The following FAAH2 variants were observed in gnomAD, a reference collection of about 807,000 sequenced individuals.
FAAH2 encodes fatty acid amide hydrolase 2.
Under a neutral mutation model 36.9 loss-of-function variants are expected in FAAH2, and 60 were observed. That is an observed-to-expected ratio of 1.63 (90% CI 1.32 to 2.02). FAAH2 has a LOEUF of 2.02. Ranked by LOEUF, FAAH2 falls within the 30% of genes most tolerant of loss-of-function variation. The pLI is 0.00. For synonymous variants in FAAH2, 214 were observed against 143.8 expected, an observed-to-expected ratio of 1.49 and a Z score of -3.49; for missense variants, 689 against 397.5, an observed-to-expected ratio of 1.73 and a Z score of -6.23.
At chrX:57,123,235 G>T in the FAAH2 span, among the ~76,000 whole-genome samples, 1 of 111,309 alleles carries the variant, frequency 9.0e-6, no homozygotes, top group African/African-American at 3.3e-5. Context: ...TCCCACCTAT[G>T]AGTGAGAACA....
Position 57,314,672 on chromosome X carries a change from A to T in FAAH2, c.412+3943A>T, listed in dbSNP as rs780346744. Among the ~76,000 whole-genome samples the T allele has an allele frequency of 6.3e-5, 7 of 111,485 alleles. No homozygotes were observed. In the South Asian group the frequency reaches 1.9e-3, roughly 29 times the overall value. ...GCATAAATCAAAAAAAGTGATTAAT[A>T]ACTCTTAGGTGAACATCAAAATTAA... On this transcript the variant is annotated intron_variant, in intron 3 of 10. Transcript: ENST00000374900.
chrX:57,151,184 G>T, the FAAH2 span, among the ~76,000 whole-genome samples: 5 of 111,998 alleles, frequency 4.5e-5, no homozygotes, highest in African/African-American at 1.6e-4. Flanking sequence ...CTGTCTGGCT[G>T]CCCTTAACAT....
intron 7 of FAAH2, among the ~76,000 whole-genome samples, chrX:57,430,995 T>C (rs2056280899): frequency 8.9e-6 from 1 of 111,835 alleles, no homozygotes; most frequent in Non-Finnish European, 1.9e-5. Flanking sequence ...CTTCATTTAG[T>C]GTAGGACACC....
intron 10 of FAAH2, among the ~76,000 whole-genome samples, chrX:57,480,759 A>G (rs1241445708): frequency 9.1e-6 from 1 of 110,408 alleles, no homozygotes; most frequent in Non-Finnish European, 1.9e-5. Flanking sequence ...TGTTTTCTGT[A>G]TTTCCTGAAT....
At chrX:57,194,678 G>A in the FAAH2 span, among the ~76,000 whole-genome samples, 3 of 109,771 alleles carry the variant, frequency 2.7e-5, no homozygotes, top group South Asian at 1.2e-3. Flanking sequence ...GATTTTGGTG[G>A]ACCCATCACC....
intron 5 of FAAH2, among the ~76,000 whole-genome samples, chrX:57,358,207 C>T (rs982313738): frequency 3.7e-4 from 40 of 108,693 alleles, no homozygotes; most frequent in Admixed American, 3.3e-3. Context: ...TTGGTAAGAA[C>T]ATTTAACATG....
chrX:57,375,416 C>G (rs1350402234), intron 5 of FAAH2, among the ~76,000 whole-genome samples: 1 of 76,183 alleles, frequency 1.3e-5, no homozygotes, highest in Non-Finnish European at 2.5e-5. Flanking sequence ...TGTTATTGGT[C>G]TGTTTAGAAT....
intron 7 of FAAH2, among the ~76,000 whole-genome samples, chrX:57,420,889 C>T (rs1347409211): frequency 1.8e-5 from 2 of 111,684 alleles, no homozygotes; most frequent in Non-Finnish European, 3.8e-5. Flanking sequence ...TTTTGAGATA[C>T]GTCCCATCAG....
chrX:57,391,249 T>C (rs1247206053), intron 7 of FAAH2, among the ~76,000 whole-genome samples: 1 of 111,583 alleles, frequency 9.0e-6, no homozygotes, highest in African/African-American at 3.2e-5. Flanking sequence ...TTTGCAAATA[T>C]TTTCTTCTCT....
chrX:57,138,515 A>T, the FAAH2 span, among the ~76,000 whole-genome samples: 2 of 110,981 alleles, frequency 1.8e-5, no homozygotes, highest in Non-Finnish European at 1.9e-5. Flanking sequence ...AGTGCTGCAA[A>T]TAAATATGTG....
chrX:57,387,267 G>A (rs1384530724), intron 7 of FAAH2, among the ~76,000 whole-genome samples: 2 of 110,778 alleles, frequency 1.8e-5, no homozygotes, highest in African/African-American at 3.3e-5. Context: ...AGTATGCCAA[G>A]GATAAATTAG....
intron 7 of FAAH2, among the ~76,000 whole-genome samples, chrX:57,421,540 C>T (rs774725130): frequency 9.0e-6 from 1 of 111,710 alleles, no homozygotes; most frequent in Non-Finnish European, 1.9e-5. Context: ...CAGATGGCCA[C>T]CTTCTCACAA....
At chrX:57,247,102 T>C in the FAAH2 span, among the ~76,000 whole-genome samples, 4 of 111,826 alleles carry the variant, frequency 3.6e-5, no homozygotes, top group Non-Finnish European at 7.5e-5. Context: ...TAAGAATATA[T>C]AGCAGGCCAT....
intron 7 of FAAH2, chrX:57,394,326 C>A: frequency 9.1e-7 from 1 of 1,103,509 alleles, no homozygotes; most frequent in Admixed American, 2.2e-5. Flanking sequence ...ATTCCAGTCA[C>A]CACCTGATAT....
intron 10 of FAAH2, 119 bp downstream of exon 10, chrX:57,448,837 C>G: frequency 1.5e-6 from 1 of 687,044 alleles, no homozygotes; most frequent in Non-Finnish European, 2.2e-6. Context: ...TATAAAAGTG[C>G]TGTGTGATTG....
upstream of FAAH2, among the ~76,000 whole-genome samples, chrX:57,285,878 G>C (rs910317548): frequency 1.6e-4 from 18 of 111,955 alleles, no homozygotes; most frequent in African/African-American, 5.8e-4. Context: ...ATAAATAAAG[G>C]CAGAGTGATC....
chrX:57,234,345 A>G, the FAAH2 span, among the ~76,000 whole-genome samples: 1 of 111,435 alleles, frequency 9.0e-6, no homozygotes, highest in Admixed American at 9.6e-5. Context: ...ATCTCACTCA[A>G]TGAGAAATCA....
At chrX:57,329,427 C>T (rs1427062992) in intron 3 of FAAH2, among the ~76,000 whole-genome samples, 2 of 110,657 alleles carry the variant, frequency 1.8e-5, no homozygotes, top group African/African-American at 6.6e-5. Context: ...TTTTTGCATG[C>T]CTAGTTTCTG....
chrX:57,310,736 T>A lies in FAAH2; in HGVS notation c.412+7T>A. The A allele has an allele frequency of 5.9e-6, 7 of 1,184,348 alleles. No individual in the cohort carries two copies. Among genetic ancestry groups the A allele is most frequent in the Non-Finnish European group, 7.9e-6 (7 of 884,823 alleles). On this transcript the variant is annotated splice_region_variant and intron_variant, in intron 3 of 10. Transcript: ENST00000374900. ...GAAGCTTTCCAGCTACAAGGTACTA[T>A]TCTTTTATTTTTGGCTACATGAGTT...
Sources: gnomAD v4.1 joint callset for allele counts (sites outside exome capture counted in the v4.1 genomes callset) on GRCh38, gnomAD v4.1.1 for gene constraint, MANE v1.5 for transcripts, NCBI Gene and HGNC (gene_info 2026-07-23, HGNC 2026-07-21) for gene names.